Variants in ACAP3 observed in about 807,000 individuals in gnomAD.
ACAP3 encodes arf-GAP with coiled-coil, ANK repeat and PH domain-containing protein 3.
A neutral mutation model predicts 104.1 loss-of-function variants in ACAP3; 56 were observed. That is an observed-to-expected ratio of 0.54 (90% CI 0.43 to 0.67). The LOEUF is 0.67. Ranked by LOEUF, ACAP3 falls within the 30% of genes least tolerant of loss-of-function variation. The pLI is 0.00. For synonymous variants in ACAP3, 628 were observed against 496.2 expected, an observed-to-expected ratio of 1.27 and a Z score of -3.53; for missense variants, 1,208 against 1,174.9, an observed-to-expected ratio of 1.03 and a Z score of -0.41.
rs1413392344 is a variant in ACAP3, at chr1:1,296,117, G to A, written c.1408-8C>T. ...TCCAAGCTCACACATCAGCTAGCGG[G>A]AGACAGGGCGAGCAGGCATCAGTGC... is the stretch of plus-strand genomic sequence containing the variant. On this transcript the variant is annotated splice_polypyrimidine_tract_variant and splice_region_variant and intron_variant, in intron 16 of 23. Coordinates refer to ENST00000354700, the MANE Select transcript of ACAP3 (RefSeq NM_030649.3). The A allele has an allele frequency of 6.2e-7, 1 of 1,612,538 alleles. No individual in the cohort carries two copies. The highest frequency in any genetic ancestry group is 8.5e-7 in the Non-Finnish European group (1 of 1,179,928).
At chr1:1,302,795 TC>T (rs34915340) in intron 4 of ACAP3, 126 bp downstream of exon 4, 23,111 of 164,276 alleles carry the variant, frequency 0.14, 489 homozygotes, top group South Asian at 0.22. Context: ...AATGTGGGAT[TC>T]CCCCCCCCCC....
At chr1:1,306,141 G>A (rs767882376) in intron 1 of ACAP3, among the ~76,000 whole-genome samples, 34 of 152,194 alleles carry the variant, frequency 2.2e-4, no homozygotes, top group Admixed American at 7.8e-4. Context: ...CACTTTCCCA[G>A]GGCAGTCACT....
chr1:1,301,258 CTTT>C (rs869238177), intron 5 of ACAP3, among the ~76,000 whole-genome samples: 5 of 105,420 alleles, frequency 4.7e-5, no homozygotes, highest in Non-Finnish European at 9.4e-5. Context: ...TTGGGGGTGT[CTTT>C]TTTTTTTTTT....
chr1:1,307,409 C>G (rs1305445764), intron 1 of ACAP3: 1 of 1,291,852 alleles, frequency 7.7e-7, no homozygotes, highest in African/African-American at 1.5e-5. Context: ...AGTCAGAGAC[C>G]AGGGGCCGAC....
In ACAP3 at chr1:1,307,863, G is replaced by A; in HGVS notation, c.-48C>T. 3.0e-6 allele frequency: 3 copies of A among 987,896 alleles called. No homozygotes were observed. Among genetic ancestry groups the A allele is most frequent in the Non-Finnish European group, 3.6e-6 (3 of 827,958 alleles). 61.2% of individuals were successfully genotyped at this position (987,896 alleles called of 1,614,324 possible). ...ACTGGCACGAGGACCGCGGCGCCGA[G>A]CGGCAGCCGCGCCGGCCCGGACCGC... On this transcript the variant is annotated 5_prime_UTR_variant, in exon 1 of 24. Transcript: ENST00000354700.
Position 1,293,586 on chromosome 1 carries a change from CTGA to C in ACAP3, c.2480_2482del (p.Ile827del), listed in dbSNP as rs1640938730. The C allele has an allele frequency of 2.0e-6, 3 of 1,485,394 alleles. No homozygotes were observed. The highest frequency in any genetic ancestry group is 2.7e-6 in the Non-Finnish European group (3 of 1,121,660). 92.0% of individuals were successfully genotyped at this position (1,485,394 alleles called of 1,614,324 possible). ...GCCCTAGCTCTCTTCCAGGTGGAGG[CTGA>C]TGAACTCCTGGATACACCTGCGGAA... On this transcript the variant is annotated inframe_deletion, in exon 24 of 24. Transcript: ENST00000354700.
rs1456915545 is a variant in ACAP3 at position 1,298,675 on chromosome 1, A to G, written c.755T>C (p.Phe252Ser). 1.9e-6 allele frequency: 3 copies of G among 1,611,530 alleles called. No homozygotes were observed. The highest frequency in any genetic ancestry group is 2.5e-6 in the Non-Finnish European group (3 of 1,179,146). The change falls in exon 11 of 24, where the codon TTC becomes TCC. Residue 252 changes from phenylalanine to serine, a missense_variant. Phe to Ser is a radical substitution (Grantham distance 155). Coordinates refer to ENST00000354700, the MANE Select transcript of ACAP3 (RefSeq NM_030649.3). ...CTCCACTTTGGACTCATCGTAGGAGAAGTCCTGGGGGGATGGAACCCGCCC... is the reference window on the plus strand; with the variant it reads ...CTCCACTTTGGACTCATCGTAGGAGGAGTCCTGGGGGGATGGAACCCGCCC... ...AIQQRTLLQD[F>S]SYDESKVEFD...
Position 1,294,815 on chromosome 1 carries a change from A to T in ACAP3, c.1815T>A (p.Ser605Arg). 1.3e-6 allele frequency: 2 copies of T among 1,549,640 alleles called. No homozygotes were observed. Among genetic ancestry groups the T allele is most frequent in the South Asian group, 1.2e-5 (1 of 84,050 alleles). Residue 605 changes from serine to arginine, a missense_variant and splice_region_variant, in exon 20 of 24, where the codon AGT (serine) becomes AGA (arginine). Transcript: ENST00000354700. ...CCCCAAGGCCACTGTCGCTACTCAG[A>T]CCTGCAGGTCCGCAGGGAAGGGGGT... ...DAGAAGAGPR[S>R]LSSDSGLGGS... is the part of the protein sequence containing the mutation.
intron 1 of ACAP3, chr1:1,307,331 C>CCCTA (rs1479423738): frequency 7.8e-7 from 1 of 1,289,518 alleles, no homozygotes; most frequent in Non-Finnish European, 1.0e-6. Flanking sequence ...TTTCCAAGCA[C>CCCTA]CCTACCCCAG....
intron 1 of ACAP3, among the ~76,000 whole-genome samples, chr1:1,306,850 AAC>A (rs1240292580): frequency 2.6e-5 from 4 of 152,226 alleles, no homozygotes; most frequent in African/African-American, 4.8e-5. Flanking sequence ...TGACATGGCT[AAC>A]ACAGTACGTG....
intron 10 of ACAP3, chr1:1,298,937 T>C: frequency 1.8e-6 from 1 of 561,126 alleles, no homozygotes; most frequent in Non-Finnish European, 3.1e-6. Flanking sequence ...ACCCCAGCCC[T>C]GCAGGGACCA....
chr1:1,299,762 G>T, intron 9 of ACAP3, 69 bp downstream of exon 9: 1 of 1,469,904 alleles, frequency 6.8e-7, no homozygotes, highest in Non-Finnish European at 9.1e-7. Context: ...AGGGTGTGCC[G>T]GGCATGGGGT....
chr1:1,299,399 G>GA, intron 9 of ACAP3, 43 bp from the exon 10 acceptor site: 1 of 1,504,810 alleles, frequency 6.6e-7, no homozygotes, highest in African/African-American at 1.4e-5. Context: ...GAAAGCCAGT[G>GA]AGTGACGGCT....
intron 16 of ACAP3, 41 bp from the exon 17 acceptor site, chr1:1,296,150 C>G (rs1641136212): frequency 1.2e-6 from 2 of 1,609,592 alleles, no homozygotes; most frequent in Non-Finnish European, 1.7e-6. Flanking sequence ...TGCGAACCTG[C>G]AGACCCCAGC....
rs1193444415 is a variant in ACAP3, at chr1:1,293,658, G to A, written c.2411C>T (p.Pro804Leu). 2 of 1,470,244 alleles carry A rather than the reference G, an allele frequency of 1.4e-6. No homozygotes were observed. The highest frequency in any genetic ancestry group is 1.8e-6 in the Non-Finnish European group (2 of 1,120,186). 91.1% of individuals were successfully genotyped at this position (1,470,244 alleles called of 1,614,324 possible). ...AEEMREAEAAPGPPGALAGSP... is the reference protein window; with the variant it reads ...AEEMREAEAALGPPGALAGSP... ...GCCCGCCAGGGCGCCCGGGGGACCA[G>A]GGGCAGCCTCGGCCTCGCGCATTTC... Residue 804 changes from proline (P) to leucine (L), a missense_variant, in exon 24 of 24, where the codon CCT (proline) becomes CTT (leucine). Physicochemically the swap from Pro to Leu is moderately conservative, Grantham distance 98. Transcript: ENST00000354700.
chr1:1,305,856 G>A (rs887274667), intron 1 of ACAP3: 1 of 152,264 alleles, frequency 6.6e-6, no homozygotes, highest in Non-Finnish European at 1.5e-5. Context: ...GCTGCCACTA[G>A]GCCCTCCCCA....
chr1:1,300,811 AC>A, intron 5 of ACAP3, 119 bp from the exon 6 acceptor site: 2 of 1,087,716 alleles, frequency 1.8e-6, no homozygotes, highest in Non-Finnish European at 2.6e-6. Context: ...CGCTCTTGTC[AC>A]CCAGGCTGGA....
In ACAP3 at chr1:1,300,537, C is replaced by T. The variant is rs1335666094; in HGVS notation, c.494G>A (p.Arg165His). The T allele has an allele frequency of 9.9e-6, 16 of 1,611,112 alleles. No homozygotes were observed. The highest frequency in any genetic ancestry group is 1.4e-5 in the Non-Finnish European group (16 of 1,179,514). Residue 165 changes from arginine (R) to histidine (H), a missense_variant, in exon 6 of 24, where the codon CGC becomes CAC. By Grantham distance (29) the Arg-to-His change is conservative. Coordinates refer to ENST00000354700, the MANE Select transcript of ACAP3 (RefSeq NM_030649.3). The part of the protein sequence containing the change: ...GALTLTRKCF[R>H]HLALDYVLQI... ...GAGCACATAGTCCAGTGCCAGGTGG[C>T]GGAAGCACTTCCTGGTGAGGGTGAG...
At chr1:1,297,251 G>A (rs1382777718) in intron 14 of ACAP3, among the ~76,000 whole-genome samples, 3 of 91,712 alleles carry the variant, frequency 3.3e-5, no homozygotes, top group East Asian at 6.8e-4. Context: ...ATGTGTGCAC[G>A]GGCTTGGGGC....
Sources: allele counts gnomAD v4.1 joint callset (sites outside exome capture counted in the v4.1 genomes callset), GRCh38; gene constraint gnomAD v4.1.1; transcripts MANE v1.5; gene names NCBI Gene and HGNC (gene_info 2026-07-23, HGNC 2026-07-21).